ADCK1: variants seen among roughly 807,000 people sequenced by gnomAD.
The protein encoded by ADCK1 is aarF domain-containing protein kinase 1.
In ADCK1, 41 loss-of-function variants were observed where a neutral mutation model predicts 52.3. The ratio of observed to expected loss-of-function variants is 0.78; its 90% CI spans 0.61 to 1.02. The LOEUF (loss-of-function observed/expected upper bound fraction) is 1.02. Among genes scored for constraint, ADCK1 ranks in the 50% least tolerant of loss-of-function variants. ADCK1 has a pLI of 0.00. For synonymous variants in ADCK1, 250 were observed against 274.6 expected, an observed-to-expected ratio of 0.91 and a Z score of 0.89; for missense variants, 658 against 679.5, an observed-to-expected ratio of 0.97 and a Z score of 0.35.
chr14:77,915,705 T>A (rs997539385), intron 7 of ADCK1, among the ~76,000 whole-genome samples: 23 of 151,768 alleles, frequency 1.5e-4, no homozygotes, highest in African/African-American at 5.3e-4. Context: ...GTTAGAGGGG[T>A]CCAGGTGTAT....
chr14:77,859,394 A>C, intron 4 of ADCK1, 115 bp downstream of exon 4: 1 of 1,043,206 alleles, frequency 9.6e-7, no homozygotes, highest in Non-Finnish European at 1.4e-6. Flanking sequence ...CACAAAACCA[A>C]ATGTCACAGC....
intron 3 of ADCK1, among the ~76,000 whole-genome samples, chr14:77,830,169 G>T (rs1164828088): frequency 6.7e-6 from 1 of 149,906 alleles, no homozygotes; most frequent in Non-Finnish European, 1.5e-5. Flanking sequence ...ACAGGGTCTC[G>T]CTCTGTTGCC....
chr14:77,883,183 A>G (rs1188211284), intron 4 of ADCK1, among the ~76,000 whole-genome samples: 2 of 152,002 alleles, frequency 1.3e-5, no homozygotes, highest in African/African-American at 2.4e-5. Flanking sequence ...GTTTTACTTA[A>G]CTGATTTTGC....
chr14:77,925,685 A>G (rs1052791886), intron 8 of ADCK1, 79 bp from the exon 9 acceptor site: 5 of 1,443,506 alleles, frequency 3.5e-6, no homozygotes, highest in Admixed American at 3.7e-5. Context: ...GTCTTTTGCA[A>G]TGGTTGGCAT....
intron 7 of ADCK1, 46 bp from the exon 8 acceptor site, chr14:77,924,411 A>T: frequency 6.2e-7 from 1 of 1,605,630 alleles, no homozygotes; most frequent in South Asian, 1.1e-5. Flanking sequence ...TCCCTCGGAT[A>T]GATGTGAGTG....
chr14:77,859,027 G>A (rs2082484555), intron 3 of ADCK1, 49 bp from the exon 4 acceptor site: 2 of 1,511,240 alleles, frequency 1.3e-6, no homozygotes. Context: ...CAAGGTGTAG[G>A]GAACAGTCTG....
At chr14:77,835,918 G>A (rs1339212555) in intron 3 of ADCK1, among the ~76,000 whole-genome samples, 1 of 152,210 alleles carries the variant, frequency 6.6e-6, no homozygotes, top group Non-Finnish European at 1.5e-5. Flanking sequence ...TTGTAAGCAT[G>A]AGCCCTGCCA....
At chr14:77,885,665 A>T (rs1047040298) in intron 4 of ADCK1, among the ~76,000 whole-genome samples, 5 of 151,984 alleles carry the variant, frequency 3.3e-5, no homozygotes, top group African/African-American at 1.2e-4. Context: ...AGTAGCAGGG[A>T]TAGAGGGAGG....
chr14:77,859,065 T>A lies in ADCK1; in HGVS notation c.220-11T>A. The A allele has an allele frequency of 6.3e-7, 1 of 1,591,182 alleles. No homozygotes were observed. ...CTCACACCTCTCTGGTCCTGGCCTG[T>A]CTTCCTGCAGGTGCACCTTCGCTCT... On this transcript the variant is annotated splice_polypyrimidine_tract_variant and intron_variant, in intron 3 of 10. Transcript: ENST00000238561.
chr14:77,832,184 G>T (rs566233405), intron 3 of ADCK1, among the ~76,000 whole-genome samples: 37 of 152,210 alleles, frequency 2.4e-4, no homozygotes, highest in South Asian at 2.3e-3. Context: ...CACCGTATTG[G>T]CCAGGCTGGT....
chr14:77,825,095 T>C (rs2081664403), intron 3 of ADCK1, among the ~76,000 whole-genome samples: 1 of 152,368 alleles, frequency 6.6e-6, no homozygotes. Context: ...TCCAGAGATG[T>C]CTTCCTATTT....
At chr14:77,867,207 T>C (rs569471193) in intron 4 of ADCK1, among the ~76,000 whole-genome samples, 1 of 152,266 alleles carries the variant, frequency 6.6e-6, no homozygotes, top group African/African-American at 2.4e-5. Context: ...CCTTTGGCGG[T>C]CTGTAGACTT....
At chr14:77,917,836 C>A (rs1247197723) in intron 7 of ADCK1, among the ~76,000 whole-genome samples, 1 of 151,954 alleles carries the variant, frequency 6.6e-6, no homozygotes, top group Non-Finnish European at 1.5e-5. Context: ...ATTTTGCCGG[C>A]TTCTGGGGTT....
chr14:77,866,560 A>G (rs1478223539), intron 4 of ADCK1, among the ~76,000 whole-genome samples: 1 of 152,116 alleles, frequency 6.6e-6, no homozygotes, highest in East Asian at 1.9e-4. Context: ...GCCCTTTGGC[A>G]GCTCTCCTCT....
At chr14:77,867,047 G>A (rs2082676570) in intron 4 of ADCK1, among the ~76,000 whole-genome samples, 1 of 152,178 alleles carries the variant, frequency 6.6e-6, no homozygotes, top group Non-Finnish European at 1.5e-5. Flanking sequence ...TCTGTGCCAG[G>A]TACTACACCA....
Position 77,933,241 on chromosome 14 carries a change from T to C in ADCK1, c.1422T>C (p.Cys474=). The C allele has an allele frequency of 6.2e-7, 1 of 1,614,080 alleles. No individual in the cohort carries two copies. The highest frequency in any genetic ancestry group is 8.5e-7 in the Non-Finnish European group (1 of 1,179,954). The change falls in exon 11 of 11, where the codon TGT becomes TGC. Residue 474 remains cysteine (C), a synonymous_variant. Transcript: ENST00000238561. The part of the protein sequence containing the change: ...ALAEHKKKNT[C]SFFRRTQISF... ...CCAGGCACAAGAAGAAGAATACCTG[T>C]TCATTCTTCAGAAGGACCCAGATCT...
intron 3 of ADCK1, among the ~76,000 whole-genome samples, chr14:77,833,721 G>T (rs73319436): frequency 0.015 from 2,251 of 152,268 alleles, 55 homozygotes; most frequent in African/African-American, 0.051. Flanking sequence ...ATGGCCATCA[G>T]TGGGAGTCCT....
intron 3 of ADCK1, among the ~76,000 whole-genome samples, chr14:77,855,141 G>T (rs2082391819): frequency 6.6e-6 from 1 of 152,178 alleles, no homozygotes; most frequent in African/African-American, 2.4e-5. Flanking sequence ...ACGTGGCCTG[G>T]CATGGCATGC....
intron 3 of ADCK1, among the ~76,000 whole-genome samples, chr14:77,839,509 T>A (rs898173202): frequency 6.6e-6 from 1 of 152,066 alleles, no homozygotes; most frequent in East Asian, 1.9e-4. Context: ...CTGGATAACA[T>A]GTGGCACCTG....
Sources: allele counts gnomAD v4.1 joint callset (sites outside exome capture counted in the v4.1 genomes callset), GRCh38; gene constraint gnomAD v4.1.1; transcripts MANE v1.5; gene names NCBI Gene and HGNC (gene_info 2026-07-23, HGNC 2026-07-21).